The following ZNF69 variants were observed in gnomAD, a reference collection of about 807,000 sequenced individuals.
ZNF69 encodes zinc finger protein 69, also known as ZNF3.
A neutral mutation model predicts 50.9 loss-of-function variants in ZNF69; 47 were observed. The ratio of observed to expected loss-of-function variants is 0.92; its 90% CI spans 0.73 to 1.18. The LOEUF (loss-of-function observed/expected upper bound fraction) is 1.18. Among genes scored for constraint, ZNF69 ranks in the 50% most tolerant of loss-of-function variants. The pLI is 0.00. For synonymous variants in ZNF69, 216 were observed against 223.1 expected (o/e 0.97, Z 0.29); for missense variants, 717 against 675.1 (o/e 1.06, Z -0.69).
the ZNF69 span, chr19:11,964,923 C>G: frequency 2.3e-6 from 1 of 437,990 alleles, no homozygotes; most frequent in East Asian, 4.5e-5. Flanking sequence ...GGGCCTGATA[C>G]CCAAGGCTTC....
chr19:11,925,344 C>T, the ZNF69 span: 2 of 1,588,460 alleles, frequency 1.3e-6, no homozygotes, highest in Non-Finnish European at 1.7e-6. Flanking sequence ...CCGGCTGTGG[C>T]GGGACCCGGG....
In ZNF69 at chr19:11,905,242, G is replaced by C; in HGVS notation, c.845G>C (p.Gly282Ala). The C allele has an allele frequency of 6.2e-7, 1 of 1,614,094 alleles. No individual in the cohort carries two copies. The highest frequency in any genetic ancestry group is 8.5e-7 in the Non-Finnish European group (1 of 1,180,018). The stretch of plus-strand genomic sequence containing the variant: ...AAGCCTTATGAATGTCAGCAATGTG[G>C]GAAAGCATTTCATAGTCCCAGATGC... ...GEKPYECQQC[G>A]KAFHSPRCYR... Residue 282 changes from glycine (G) to alanine (A), a missense_variant, in exon 4 of 4, where the codon GGG (glycine) becomes GCG (alanine). Coordinates refer to ENST00000429654, the MANE Select transcript of ZNF69 (RefSeq NM_001364730.1).
At chr19:11,962,933 G>A in the ZNF69 span, among the ~76,000 whole-genome samples, 1 of 152,104 alleles carries the variant, frequency 6.6e-6, no homozygotes. Context: ...TGACTGCAAG[G>A]AGGTCATCCT....
chr19:11,969,629 C>G, the ZNF69 span, among the ~76,000 whole-genome samples: 3 of 152,232 alleles, frequency 2.0e-5, no homozygotes, highest in African/African-American at 7.2e-5. Context: ...TCACATTCTC[C>G]AGGGCAACTG....
At chr19:11,979,352 C>T in the ZNF69 span, 16 of 1,609,656 alleles carry the variant, frequency 9.9e-6, no homozygotes, top group Non-Finnish European at 1.0e-5. Context: ...TGGAGAGAAA[C>T]CCTATGAGTG....
the ZNF69 span, among the ~76,000 whole-genome samples, chr19:11,962,122 G>A: frequency 7.9e-5 from 12 of 152,152 alleles, no homozygotes; most frequent in Admixed American, 5.2e-4. Flanking sequence ...CCAAATGAAC[G>A]AAACTTAGTG....
intron 1 of ZNF69, among the ~76,000 whole-genome samples, chr19:11,899,352 C>G (rs1014172220): frequency 6.6e-6 from 1 of 152,160 alleles, no homozygotes; most frequent in East Asian, 1.9e-4. Flanking sequence ...GGGTCTCAAA[C>G]TCCCCAGCTC....
the ZNF69 span, among the ~76,000 whole-genome samples, chr19:11,967,371 A>C: frequency 1.3e-5 from 2 of 152,144 alleles, no homozygotes; most frequent in African/African-American, 4.8e-5. Context: ...GAAAGAGTTG[A>C]AGACCAACCT....
At chr19:11,916,153 CTT>C (rs1218751793), downstream of ZNF69, among the ~76,000 whole-genome samples, 1 of 152,132 alleles carries the variant, frequency 6.6e-6, no homozygotes. Context: ...TAAGAAATAA[CTT>C]TTAATTCTAG....
At chr19:11,939,246 C>T in the ZNF69 span, among the ~76,000 whole-genome samples, 1 of 152,144 alleles carries the variant, frequency 6.6e-6, no homozygotes, top group Non-Finnish European at 1.5e-5. Flanking sequence ...TCCCATTTGT[C>T]AATTTTGGCT....
intron 1 of ZNF69, among the ~76,000 whole-genome samples, chr19:11,897,465 C>T (rs1257985909): frequency 6.6e-6 from 1 of 151,942 alleles, no homozygotes; most frequent in Non-Finnish European, 1.5e-5. Flanking sequence ...GTCCCAGCTA[C>T]TCAGGAGGCT....
chr19:11,954,396 G>A, the ZNF69 span, among the ~76,000 whole-genome samples: 1 of 152,146 alleles, frequency 6.6e-6, no homozygotes, highest in Non-Finnish European at 1.5e-5. Flanking sequence ...AGAATTTTAA[G>A]TAATAGAGTC....
At chr19:11,897,175 T>C (rs951988356) in intron 1 of ZNF69, among the ~76,000 whole-genome samples, 2 of 151,942 alleles carry the variant, frequency 1.3e-5, no homozygotes, top group Non-Finnish European at 2.9e-5. Context: ...TGGAAAAACC[T>C]TGTCTCTACT....
rs1179422748 is a variant in ZNF69 at position 11,904,029 on chromosome 19, T to TA, written c.251+69dup. On this transcript the variant is annotated intron_variant, in intron 3 of 3. Transcript: ENST00000429654. Reference sequence around the variant, plus strand: ...ACAATCTTAGAATATGACAATATATTAAAAATAAGTAAAAGAACTAAGTCC... The same window carrying TA: ...ACAATCTTAGAATATGACAATATATTAAAAAATAAGTAAAAGAACTAAGTCC... 5.3e-6 allele frequency: 8 copies of TA among 1,516,066 alleles called. No individual in the cohort carries two copies. The East Asian group carries it at 1.6e-4, about 30-fold the overall frequency. The allele number at this position is 1,516,066 out of a possible 1,614,324, so 93.9% of individuals were successfully genotyped here. A position where few individuals can be genotyped will look rare whatever the true frequency, so the allele number is the denominator to read the frequency against.
intron 1 of ZNF69, among the ~76,000 whole-genome samples, chr19:11,901,260 T>C (rs1972237914): frequency 6.6e-6 from 1 of 152,196 alleles, no homozygotes; most frequent in Admixed American, 6.5e-5. Context: ...TCTTCTCTTT[T>C]ATATTTAATT....
At chr19:11,895,632 G>A (rs1157474970) in intron 1 of ZNF69, among the ~76,000 whole-genome samples, 4 of 152,202 alleles carry the variant, frequency 2.6e-5, no homozygotes, top group African/African-American at 7.2e-5. Context: ...TGACCACATG[G>A]AGGAAATGGG....
At chr19:11,940,225 C>T in the ZNF69 span, among the ~76,000 whole-genome samples, 32 of 152,138 alleles carry the variant, frequency 2.1e-4, no homozygotes, top group African/African-American at 4.3e-4. Flanking sequence ...CCACAGTGCC[C>T]GGCCAAGATG....
chr19:11,913,462 C>T (rs555313484), exon 5 of ZNF69: 35 of 497,674 alleles, frequency 7.0e-5, no homozygotes, highest in South Asian at 3.5e-4. Flanking sequence ...GATCTCAGGT[C>T]GCTGCAACCT....
chr19:11,967,784 T>A, the ZNF69 span, among the ~76,000 whole-genome samples: 4 of 152,252 alleles, frequency 2.6e-5, no homozygotes, highest in Middle Eastern at 3.4e-3. Flanking sequence ...ATAAAGCAAG[T>A]GGAGGAACAT....
Sources: allele counts gnomAD v4.1 joint callset (sites outside exome capture counted in the v4.1 genomes callset), GRCh38; gene constraint gnomAD v4.1.1; transcripts MANE v1.5; gene names NCBI Gene and HGNC (gene_info 2026-07-23, HGNC 2026-07-21).